Variants in MLLT3 observed in about 807,000 individuals in gnomAD.
The protein encoded by MLLT3 is MLLT3 super elongation complex subunit.
A neutral mutation model predicts 53.2 loss-of-function variants in MLLT3; 4 were observed. The observed-to-expected ratio is 0.08, with a 90% CI of 0.04 to 0.17. MLLT3 has a LOEUF of 0.17. Ranked by LOEUF, MLLT3 falls within the 10% of genes least tolerant of loss-of-function variation. MLLT3 has a pLI of 1.00. For missense variants in MLLT3, 569 were observed against 684.0 expected (o/e 0.83, Z 1.87); for synonymous variants, 283 against 230.6 (o/e 1.23, Z -2.06).
chr9:20,536,172 TAAAAACAAAACAAAA>T (rs1428103055), intron 2 of MLLT3, among the ~76,000 whole-genome samples: 17 of 105,514 alleles, frequency 1.6e-4, no homozygotes, highest in Non-Finnish European at 3.5e-4. Flanking sequence ...CCAGCATCTT[TAAAAACAAAACAAAA>T]CAAAACAAAA....
chr9:20,615,975 CATATA>C (rs1243649044), intron 2 of MLLT3, among the ~76,000 whole-genome samples: 4 of 151,302 alleles, frequency 2.6e-5, no homozygotes, highest in African/African-American at 9.7e-5. Flanking sequence ...TGTATGTTAA[CATATA>C]ATAGGTTACT....
chr9:20,460,978 A>C (rs1429315963), intron 2 of MLLT3, among the ~76,000 whole-genome samples: 1 of 152,188 alleles, frequency 6.6e-6, no homozygotes, highest in African/African-American at 2.4e-5. Context: ...AAGATCTCTA[A>C]GGCCATTTTG....
chr9:20,502,691 T>C (rs1290301686), intron 2 of MLLT3, among the ~76,000 whole-genome samples: 2 of 152,232 alleles, frequency 1.3e-5, no homozygotes, highest in African/African-American at 4.8e-5. Flanking sequence ...GCAAATACTA[T>C]GCTATTTTAT....
At chr9:20,559,226 T>G (rs1819139006) in intron 2 of MLLT3, among the ~76,000 whole-genome samples, 1 of 152,256 alleles carries the variant, frequency 6.6e-6, no homozygotes, top group Admixed American at 6.5e-5. Context: ...ATAAGTATTT[T>G]GGAATATTTG....
intron 2 of MLLT3, among the ~76,000 whole-genome samples, chr9:20,565,403 C>A (rs553459985): frequency 6.6e-6 from 1 of 152,218 alleles, no homozygotes; most frequent in South Asian, 2.1e-4. Context: ...AACTTACCAA[C>A]TCACTGCCCA....
At chr9:20,358,885 G>A (rs1015482821) in intron 8 of MLLT3, among the ~76,000 whole-genome samples, 7 of 152,044 alleles carry the variant, frequency 4.6e-5, no homozygotes, top group Middle Eastern at 3.4e-3. Context: ...GGCTGGGAGC[G>A]GTGGCTCATG....
chr9:20,542,084 C>T (rs985011261), intron 2 of MLLT3, among the ~76,000 whole-genome samples: 7 of 152,070 alleles, frequency 4.6e-5, no homozygotes, highest in Non-Finnish European at 8.8e-5. Context: ...AAATATATTT[C>T]TTATATAATA....
intron 2 of MLLT3, among the ~76,000 whole-genome samples, chr9:20,515,999 T>C (rs1817904103): frequency 6.6e-6 from 1 of 152,190 alleles, no homozygotes; most frequent in Non-Finnish European, 1.5e-5. Flanking sequence ...TTGTGTGCCA[T>C]GGGAGCATAA....
At chr9:20,509,888 A>G (rs1471523152) in intron 2 of MLLT3, among the ~76,000 whole-genome samples, 1 of 148,882 alleles carries the variant, frequency 6.7e-6, no homozygotes, top group South Asian at 2.1e-4. Flanking sequence ...TTTTTTTTAC[A>G]TCTGATATCC....
chr9:20,540,177 C>A (rs1818592728), intron 2 of MLLT3, among the ~76,000 whole-genome samples: 1 of 152,242 alleles, frequency 6.6e-6, no homozygotes, highest in African/African-American at 2.4e-5. Context: ...AGAGCCGCCA[C>A]AGCTGCTTTC....
At chr9:20,452,514 G>A (rs566899054) in intron 3 of MLLT3, among the ~76,000 whole-genome samples, 8 of 152,034 alleles carry the variant, frequency 5.3e-5, no homozygotes, top group Admixed American at 4.6e-4. Flanking sequence ...CCAGTCTCGG[G>A]TATTAATAAC....
At chr9:20,385,908 T>C (rs1327346717) in intron 5 of MLLT3, among the ~76,000 whole-genome samples, 5 of 152,218 alleles carry the variant, frequency 3.3e-5, no homozygotes, top group South Asian at 4.1e-4. Flanking sequence ...CTCTCTAGCA[T>C]TGATGCTAAG....
chr9:20,498,860 T>C (rs1046147068), intron 2 of MLLT3, among the ~76,000 whole-genome samples: 11 of 152,228 alleles, frequency 7.2e-5, no homozygotes, highest in Non-Finnish European at 1.6e-4. Context: ...AATATAACTT[T>C]AAGCACTAAA....
intron 2 of MLLT3, among the ~76,000 whole-genome samples, chr9:20,580,679 G>C (rs1264286514): frequency 6.6e-6 from 1 of 152,184 alleles, no homozygotes; most frequent in Non-Finnish European, 1.5e-5. Context: ...ACATAGGCAT[G>C]GCTTATCAAT....
chr9:20,487,919 T>C (rs1182716171), intron 2 of MLLT3, among the ~76,000 whole-genome samples: 2 of 152,136 alleles, frequency 1.3e-5, no homozygotes, highest in African/African-American at 4.8e-5. Flanking sequence ...CTTTATTTTT[T>C]TTCTTCAATG....
intron 5 of MLLT3, among the ~76,000 whole-genome samples, chr9:20,392,931 G>A (rs1221565523): frequency 6.6e-6 from 1 of 152,122 alleles, no homozygotes; most frequent in Admixed American, 6.6e-5. Flanking sequence ...CAAAGCGGGT[G>A]GATCACCTGA....
At chr9:20,604,091 T>G (rs1820505158) in intron 2 of MLLT3, among the ~76,000 whole-genome samples, 1 of 152,064 alleles carries the variant, frequency 6.6e-6, no homozygotes, top group South Asian at 2.1e-4. Context: ...GCAGTGGGTT[T>G]CAAAATCTTG....
At chr9:20,452,821 T>C (rs1360122584) in intron 3 of MLLT3, among the ~76,000 whole-genome samples, 2 of 152,154 alleles carry the variant, frequency 1.3e-5, no homozygotes, top group African/African-American at 2.4e-5. Flanking sequence ...TTTAAATTCA[T>C]AAAATCAGAG....
At chr9:20,576,414 GA>G (rs1393621291) in intron 2 of MLLT3, among the ~76,000 whole-genome samples, 1 of 152,176 alleles carries the variant, frequency 6.6e-6, no homozygotes, top group African/African-American at 2.4e-5. Flanking sequence ...TGGCACAAGA[GA>G]TCTAGGTTTT....
Sources: gnomAD v4.1 joint callset for allele counts (sites outside exome capture counted in the v4.1 genomes callset) on GRCh38, gnomAD v4.1.1 for gene constraint, MANE v1.5 for transcripts, NCBI Gene and HGNC (gene_info 2026-07-23, HGNC 2026-07-21) for gene names.